The following EFHC2 variants were observed in gnomAD, a reference collection of about 807,000 sequenced individuals.
EFHC2 encodes the protein EF-hand domain-containing family member C2.
In EFHC2, 18 loss-of-function variants were observed where a neutral mutation model predicts 52.7. The ratio of observed to expected loss-of-function variants is 0.34; its 90% CI spans 0.24 to 0.51. The LOEUF (loss-of-function observed/expected upper bound fraction) is 0.51, where lower values mean the gene tolerates loss of function less well. Ranked by LOEUF, EFHC2 falls within the 20% of genes least tolerant of loss-of-function variation. EFHC2 has a pLI of 0.97. For synonymous variants in EFHC2, 203 were observed against 204.1 expected (o/e 0.99, Z 0.04); for missense variants, 513 against 562.5 (o/e 0.91, Z 0.89).
At chrX:44,339,050 G>T (rs2038135869) in intron 1 of EFHC2, among the ~76,000 whole-genome samples, 1 of 111,489 alleles carries the variant, frequency 9.0e-6, no homozygotes, top group Non-Finnish European at 1.9e-5. Flanking sequence ...AATTAGCCAG[G>T]CGTGGTGGCA....
chrX:44,229,139 G>C (rs1482155584), intron 11 of EFHC2, among the ~76,000 whole-genome samples: 1 of 111,807 alleles, frequency 8.9e-6, no homozygotes, highest in Non-Finnish European at 1.9e-5. Context: ...TTTTTCCCTC[G>C]ATTCCTATAT....
chrX:44,262,670 G>A (rs935816797), intron 3 of EFHC2, among the ~76,000 whole-genome samples: 1 of 111,114 alleles, frequency 9.0e-6, no homozygotes, highest in African/African-American at 3.3e-5. Context: ...GCCTTGGTCA[G>A]AGACAAAAGG....
chrX:44,287,476 A>G (rs1602199092), intron 2 of EFHC2, among the ~76,000 whole-genome samples: 2 of 111,555 alleles, frequency 1.8e-5, no homozygotes, highest in South Asian at 3.7e-4. Flanking sequence ...TGAGTGTAGT[A>G]TATCAAGAGT....
chrX:44,282,775 A>G (rs942167157), intron 2 of EFHC2, among the ~76,000 whole-genome samples: 1 of 110,240 alleles, frequency 9.1e-6, no homozygotes, highest in Non-Finnish European at 1.9e-5. Flanking sequence ...TATGCTCTAA[A>G]AACCATGACT....
chrX:44,148,555 A>G lies in EFHC2; in HGVS notation c.*240T>C. 3 of 313,451 alleles carry G rather than the reference A, an allele frequency of 9.6e-6. No homozygotes were observed. In the South Asian group the frequency reaches 1.7e-4, roughly 18 times the overall value. 25.8% of individuals were successfully genotyped at this position (313,451 alleles called of 1,213,427 possible). A position where few individuals can be genotyped will look rare whatever the true frequency, so the allele number is the denominator to read the frequency against. ...AGATTTTTTGGTATTAATAAACCAT[A>G]CATATAATAAAAATATTCAACATGT... is the stretch of plus-strand genomic sequence containing the variant. On this transcript the variant is annotated 3_prime_UTR_variant, in exon 15 of 15. Coordinates refer to ENST00000420999, the MANE Select transcript of EFHC2 (RefSeq NM_025184.4).
chrX:44,317,713 G>A (rs896390003), intron 1 of EFHC2, among the ~76,000 whole-genome samples: 17 of 113,323 alleles, frequency 1.5e-4, no homozygotes, highest in Non-Finnish European at 2.4e-4. Flanking sequence ...TTGCGCTCAC[G>A]AGGCTGAGGC....
intron 4 of EFHC2, 65 bp from the exon 5 acceptor site, chrX:44,250,510 A>G: frequency 9.2e-7 from 1 of 1,088,381 alleles, no homozygotes; most frequent in Non-Finnish European, 1.2e-6. Context: ...AGATATACAC[A>G]ATCAAGTGAC....
chrX:44,313,637 G>C (rs2037964018), intron 1 of EFHC2, among the ~76,000 whole-genome samples: 1 of 111,473 alleles, frequency 9.0e-6, no homozygotes, highest in South Asian at 3.7e-4. Flanking sequence ...TTAATACAGA[G>C]TCTAATATTA....
At chrX:44,307,018 AGTT>A (rs1330275799) in intron 2 of EFHC2, among the ~76,000 whole-genome samples, 1 of 111,416 alleles carries the variant, frequency 9.0e-6, no homozygotes, top group African/African-American at 3.3e-5. Context: ...TTGATAAATC[AGTT>A]ATTAGCTGCC....
chrX:44,275,742 C>T (rs1029466540), intron 2 of EFHC2, among the ~76,000 whole-genome samples: 7 of 107,363 alleles, frequency 6.5e-5, no homozygotes, highest in African/African-American at 2.4e-4. Context: ...GGAGAAACCC[C>T]GTCTCTACTA....
chrX:44,245,144 A>G (rs1439545287), intron 7 of EFHC2, among the ~76,000 whole-genome samples: 2 of 111,580 alleles, frequency 1.8e-5, no homozygotes, highest in Non-Finnish European at 3.8e-5. Flanking sequence ...TAAGTGTCCA[A>G]TTCACTCAAA....
At chrX:44,203,563 T>C (rs990688993) in intron 11 of EFHC2, among the ~76,000 whole-genome samples, 1 of 110,470 alleles carries the variant, frequency 9.1e-6, no homozygotes, top group African/African-American at 3.3e-5. Context: ...AAGAAGCTGG[T>C]GCACTCCCCA....
intron 14 of EFHC2, among the ~76,000 whole-genome samples, chrX:44,153,390 A>G (rs770687897): frequency 1.8e-5 from 2 of 111,790 alleles, no homozygotes; most frequent in Non-Finnish European, 3.8e-5. Context: ...TTTCGAATCA[A>G]TACCACTTCC....
At chrX:44,165,417 C>T (rs1285056018) in intron 13 of EFHC2, among the ~76,000 whole-genome samples, 1 of 111,414 alleles carries the variant, frequency 9.0e-6, no homozygotes, top group African/African-American at 3.3e-5. Context: ...CTGTTTACCA[C>T]CCTTTAAATT....
intron 12 of EFHC2, among the ~76,000 whole-genome samples, chrX:44,178,129 T>A (rs867004317): frequency 6.0e-5 from 5 of 83,953 alleles, no homozygotes; most frequent in Non-Finnish European, 9.2e-5. Flanking sequence ...AGATGCCATA[T>A]CACACACACA....
chrX:44,281,642 A>T (rs980637778), intron 2 of EFHC2, among the ~76,000 whole-genome samples: 4 of 112,431 alleles, frequency 3.6e-5, no homozygotes, highest in Non-Finnish European at 7.5e-5. Context: ...GGCTTGGGAG[A>T]AAAAGAGAAA....
intron 14 of EFHC2, among the ~76,000 whole-genome samples, chrX:44,162,466 C>G (rs183095459): frequency 1.8e-5 from 2 of 111,373 alleles, no homozygotes; most frequent in East Asian, 5.6e-4. Context: ...CTGTAAAGGG[C>G]ACTCTTGATC....
At chrX:44,244,725 C>T (rs73483015) in intron 7 of EFHC2, among the ~76,000 whole-genome samples, 8,374 of 111,671 alleles carry the variant, frequency 0.075, 686 homozygotes, top group African/African-American at 0.24. Flanking sequence ...CTTCAGTTAC[C>T]TCAACGTTCA....
intron 2 of EFHC2, among the ~76,000 whole-genome samples, chrX:44,308,535 C>T (rs66793041): frequency 0.23 from 25,106 of 110,338 alleles, 3,002 homozygotes; most frequent in African/African-American, 0.46. Context: ...GCCCAGATCA[C>T]GCCTAAATTT....
Sources: gnomAD v4.1 joint callset for allele counts (sites outside exome capture counted in the v4.1 genomes callset) on GRCh38, gnomAD v4.1.1 for gene constraint, MANE v1.5 for transcripts, NCBI Gene and HGNC (gene_info 2026-07-23, HGNC 2026-07-21) for gene names.